Variants in MAP4 observed in about 807,000 individuals in gnomAD.
MAP4 encodes the protein microtubule-associated protein 4.
In MAP4, 76 loss-of-function variants were observed where a neutral mutation model predicts 170.2. That is an observed-to-expected ratio of 0.45 (90% CI 0.37 to 0.54). The LOEUF (loss-of-function observed/expected upper bound fraction) is 0.54. Ranked by LOEUF, MAP4 falls within the 20% of genes least tolerant of loss-of-function variation. MAP4 has a pLI of 0.00. For synonymous variants in MAP4, 909 were observed against 994.5 expected (o/e 0.91, Z 1.62); for missense variants, 2,506 against 2,748.0 (o/e 0.91, Z 1.97).
At chr3:48,055,795 T>TGAG (rs1348206861) in intron 1 of MAP4, among the ~76,000 whole-genome samples, 4 of 135,682 alleles carry the variant, frequency 2.9e-5, no homozygotes, top group African/African-American at 8.2e-5. Context: ...ATCTAGGAAG[T>TGAG]GAGGAGCGTC....
chr3:47,921,887 T>C lies in MAP4; in HGVS notation c.416-9A>G, dbSNP rs200072111. 28 of 1,240,090 alleles carry C rather than the reference T, an allele frequency of 2.3e-5. No homozygotes were observed. The highest frequency in any genetic ancestry group is 1.8e-4 in the African/African-American group (12 of 67,716). 76.8% of individuals were successfully genotyped at this position (1,240,090 alleles called of 1,614,324 possible). A position where few individuals can be genotyped will look rare whatever the true frequency, so the allele number is the denominator to read the frequency against. On this transcript the variant is annotated splice_polypyrimidine_tract_variant and intron_variant, in intron 4 of 20. Coordinates refer to ENST00000683076, the MANE Select transcript of MAP4 (RefSeq NM_001385682.1). The stretch of plus-strand genomic sequence containing the variant: ...GTACATCTTAAAGGGATCTGGAATA[T>C]AGAAGAAATCCAAAACTCATTCCTG...
intron 17 of MAP4, among the ~76,000 whole-genome samples, chr3:47,867,025 G>C (rs1181605402): frequency 6.6e-6 from 1 of 152,194 alleles, no homozygotes; most frequent in Non-Finnish European, 1.5e-5. Context: ...TGGGTAAAAA[G>C]ATACTGAGTG....
intron 2 of MAP4, among the ~76,000 whole-genome samples, chr3:47,987,979 G>A (rs1004489438): frequency 7.9e-5 from 12 of 152,080 alleles, no homozygotes; most frequent in Non-Finnish European, 1.6e-4. Flanking sequence ...CGGATCACGA[G>A]GTCAGGAGAT....
At chr3:48,011,745 A>G (rs2100105373) in intron 1 of MAP4, among the ~76,000 whole-genome samples, 1 of 152,154 alleles carries the variant, frequency 6.6e-6, no homozygotes, top group Non-Finnish European at 1.5e-5. Context: ...AAAGCCTAAC[A>G]GATTATAATG....
chr3:47,855,372 A>G lies in MAP4; in HGVS notation c.6584-12T>C. The G allele has an allele frequency of 1.3e-6, 2 of 1,533,498 alleles. No homozygotes were observed. Among genetic ancestry groups the G allele is most frequent in the Non-Finnish European group, 1.8e-6 (2 of 1,106,462 alleles). The allele number at this position is 1,533,498 out of a possible 1,614,324, so 95.0% of individuals were successfully genotyped here. The stretch of plus-strand genomic sequence containing the variant: ...GACATCTCCTCCACCTGGAACCACA[A>G]AGGAACTGGTCACCTAGGGTGGCAG... On this transcript the variant is annotated splice_polypyrimidine_tract_variant and intron_variant, in intron 18 of 20. Transcript: ENST00000683076. The surrounding 1 kb of genome is among the most constrained non-coding windows in gnomAD (Gnocchi z 5.1).
intron 3 of MAP4, chr3:47,974,386 C>A: frequency 1.2e-6 from 1 of 810,894 alleles, no homozygotes; most frequent in Non-Finnish European, 1.5e-6. Flanking sequence ...GATCGCGCCA[C>A]CGCACTCCAG....
intron 17 of MAP4, among the ~76,000 whole-genome samples, chr3:47,862,699 G>C (rs1469718677): frequency 6.6e-6 from 1 of 152,064 alleles, no homozygotes; most frequent in African/African-American, 2.4e-5. Context: ...GGATGGTCTC[G>C]ATCTCCTGAC....
In MAP4 at chr3:48,025,939, C is replaced by T. The variant is rs202146358; in HGVS notation, c.-19-27060G>A. 2.5e-3 allele frequency among the ~76,000 whole-genome samples: 174 copies of T among 69,048 alleles called. 3 individuals carry two copies. Among genetic ancestry groups the T allele is most frequent in the Non-Finnish European group, 3.6e-3 (105 of 28,894 alleles). The allele number at this position is 69,048 out of a possible 152,430, so 45.3% of individuals were successfully genotyped here. On this transcript the variant is annotated intron_variant, in intron 1 of 18. Transcript: ENST00000360240. Reference sequence around the variant, plus strand: ...ATAATAATAATAATAATAATAATAACAATAATAATAATATGCTGACTTAGA... The same window carrying T: ...ATAATAATAATAATAATAATAATAATAATAATAATAATATGCTGACTTAGA...
chr3:47,895,165 C>T (rs1433911097), intron 10 of MAP4, among the ~76,000 whole-genome samples: 1 of 152,200 alleles, frequency 6.6e-6, no homozygotes, highest in Non-Finnish European at 1.5e-5. Flanking sequence ...ACAAACGACA[C>T]ACACATATAC....
At chr3:48,010,370 T>A (rs960745282) in intron 1 of MAP4, among the ~76,000 whole-genome samples, 1 of 152,240 alleles carries the variant, frequency 6.6e-6, no homozygotes, top group Non-Finnish European at 1.5e-5. Context: ...TGTATACACA[T>A]GTACTAATAT....
Position 47,928,238 on chromosome 3 carries a change from A to G in MAP4, c.405T>C (p.Pro135=). 1 of 1,614,210 alleles carries G rather than the reference A, an allele frequency of 6.2e-7. No homozygotes were observed. The highest frequency in any genetic ancestry group is 1.1e-5 in the South Asian group (1 of 91,088). ...CAAGCCAACACTTACCAGTCTGGAT[A>G]GGATCGACCACTTGCTCAGGTTGGA... ...FCFQPEQVVD[P]IQTDPFKMYH... is the part of the protein sequence containing the mutation. The change falls in exon 4 of 21, where the codon CCT becomes CCC. Residue 135 remains proline (P), a synonymous_variant. Coordinates refer to ENST00000683076, the MANE Select transcript of MAP4 (RefSeq NM_001385682.1).
chr3:48,084,812 GTTTTT>G (rs11333074), intron 1 of MAP4, among the ~76,000 whole-genome samples: 3 of 149,742 alleles, frequency 2.0e-5, no homozygotes, highest in Non-Finnish European at 4.5e-5. Flanking sequence ...AGTTGTTTTT[GTTTTT>G]TTTTTAATGG....
Position 47,902,997 on chromosome 3 carries a change from C to A in MAP4, c.5387G>T (p.Cys1796Phe), listed in dbSNP as rs1221710089. ...CTGGTAGACAGTTGATGAGCTCAAG[C>A]AAACTGAAGAAAGAAATGAAAGCCA... Reference protein sequence around the residue: ...ERHKQLKSAVCLSSSTVYQQL... With the variant: ...ERHKQLKSAVFLSSSTVYQQL... Residue 1796 changes from cysteine to phenylalanine, a missense_variant, in exon 10 of 21, where the codon TGC becomes TTC. Around this residue, in one of 3 missense-constraint regions of MAP4, gnomAD observed 2,008 missense variants for 2,206.0 expected, o/e 0.91. Coordinates refer to ENST00000683076, the MANE Select transcript of MAP4 (RefSeq NM_001385682.1). 2.0e-6 allele frequency: 2 copies of A among 984,620 alleles called. No individual in the cohort carries two copies. The highest frequency in any genetic ancestry group is 1.2e-6 in the Non-Finnish European group (1 of 829,412). The allele number at this position is 984,620 out of a possible 1,614,324, so 61.0% of individuals were successfully genotyped here. A position where few individuals can be genotyped will look rare whatever the true frequency, so the allele number is the denominator to read the frequency against.
chr3:48,086,658 T>C (rs771161079), intron 1 of MAP4, among the ~76,000 whole-genome samples: 3 of 152,074 alleles, frequency 2.0e-5, no homozygotes, highest in Non-Finnish European at 2.9e-5. Flanking sequence ...ATAAATAAAA[T>C]TTAAATTTAA....
chr3:47,938,774 T>C (rs1460057153), intron 3 of MAP4, among the ~76,000 whole-genome samples: 1 of 152,218 alleles, frequency 6.6e-6, no homozygotes, highest in Non-Finnish European at 1.5e-5. Flanking sequence ...AGTAATGACC[T>C]CTAAGGATAC....
intron 3 of MAP4, among the ~76,000 whole-genome samples, chr3:47,944,480 T>A (rs1173758788): frequency 1.3e-5 from 2 of 152,084 alleles, no homozygotes; most frequent in Admixed American, 6.6e-5. Context: ...TTTATCTACA[T>A]CAGAGTCCAT....
rs78365596 is a variant in MAP4, at chr3:48,049,147, T to C, written c.-20+39626A>G. On this transcript the variant is annotated intron_variant, in intron 1 of 18. Transcript: ENST00000360240. ...ACTCAGTAGTATTCCATGCTATGGATGTCATATGTTTTGCTTTACACTTGT... is the reference window on the plus strand; with the variant it reads ...ACTCAGTAGTATTCCATGCTATGGACGTCATATGTTTTGCTTTACACTTGT... Among the ~76,000 whole-genome samples, 610 of 152,360 alleles carry C rather than the reference T, an allele frequency of 4.0e-3. 6 individuals are homozygous for C. The highest frequency in any genetic ancestry group is 0.014 in the African/African-American group (591 of 41,588).
intron 1 of MAP4, among the ~76,000 whole-genome samples, chr3:48,075,954 G>A (rs185472003): frequency 1.4e-4 from 18 of 125,170 alleles, no homozygotes; most frequent in Non-Finnish European, 2.7e-4. Flanking sequence ...CAGCCTGGGC[G>A]ACAGAGTGAA....
At chr3:48,047,576 C>T (rs971528672) in intron 1 of MAP4, among the ~76,000 whole-genome samples, 6 of 152,166 alleles carry the variant, frequency 3.9e-5, no homozygotes, top group South Asian at 2.1e-4. Flanking sequence ...AGTCAAAAGA[C>T]GGCTACTATT....
Sources: allele counts gnomAD v4.1 joint callset (sites outside exome capture counted in the v4.1 genomes callset), GRCh38; gene constraint gnomAD v4.1.1; regional missense constraint gnomAD v4.1.1; non-coding constraint Gnocchi (gnomAD v3.1); transcripts MANE v1.5; gene names NCBI Gene and HGNC (gene_info 2026-07-23, HGNC 2026-07-21).